Variants in CIMAP3 observed in about 807,000 individuals in gnomAD.
CIMAP3 encodes the protein ciliary microtubule-associated protein 3.
chr1:111,347,611 G>C, the CIMAP3 span: 3 of 986,982 alleles, frequency 3.0e-6, no homozygotes, highest in Non-Finnish European at 4.4e-6. Context: ...ACTATGCGTT[G>C]TTTTTTCTTT....
the CIMAP3 span, among the ~76,000 whole-genome samples, chr1:111,327,327 T>G: frequency 4.6e-5 from 7 of 152,124 alleles, no homozygotes; most frequent in Non-Finnish European, 1.0e-4. Context: ...CTCCTTGTTG[T>G]GTCTGTGCCA....
the CIMAP3 span, among the ~76,000 whole-genome samples, chr1:111,327,517 T>C: frequency 6.6e-6 from 1 of 152,136 alleles, no homozygotes. Context: ...GGCTATGTAT[T>C]ACTGATTCAG....
the CIMAP3 span, chr1:111,347,043 T>G: frequency 6.2e-7 from 1 of 1,611,648 alleles, no homozygotes; most frequent in Non-Finnish European, 8.5e-7. Context: ...GGTGTTATTT[T>G]TCAGATGTGA....
chr1:111,331,606 T>G, the CIMAP3 span, among the ~76,000 whole-genome samples: 1 of 152,162 alleles, frequency 6.6e-6, no homozygotes, highest in Non-Finnish European at 1.5e-5. Flanking sequence ...TTTTCCTTAT[T>G]TCATTGAATT....
the CIMAP3 span, among the ~76,000 whole-genome samples, chr1:111,334,692 G>C: frequency 6.6e-6 from 1 of 152,146 alleles, no homozygotes; most frequent in South Asian, 2.1e-4. Flanking sequence ...TTTAAAAAGA[G>C]ATTTAAATGA....
chr1:111,327,766 G>A, the CIMAP3 span, among the ~76,000 whole-genome samples: 1 of 151,732 alleles, frequency 6.6e-6, no homozygotes. Context: ...TATTAGTCTA[G>A]CTAGTGGCCT....
the CIMAP3 span, chr1:111,350,342 T>C: frequency 1.3e-6 from 1 of 755,898 alleles, no homozygotes; most frequent in South Asian, 1.9e-5. Flanking sequence ...TCCCAAAAAA[T>C]TATATGCACA....
the CIMAP3 span, among the ~76,000 whole-genome samples, chr1:111,335,158 GA>G: frequency 4.3e-4 from 42 of 97,212 alleles, 1 homozygote; most frequent in Non-Finnish European, 2.1e-4. Flanking sequence ...AAAAAAGACA[GA>G]AAAAAAAAGA....
At chr1:111,335,126 T>TC in the CIMAP3 span, among the ~76,000 whole-genome samples, 1 of 26,642 alleles carries the variant, frequency 3.8e-5, no homozygotes, top group Non-Finnish European at 6.1e-5. Context: ...AGTCTCTGTC[T>TC]CAAAAAAAAA....
the CIMAP3 span, among the ~76,000 whole-genome samples, chr1:111,326,701 T>C: frequency 6.6e-6 from 1 of 152,130 alleles, no homozygotes; most frequent in Non-Finnish European, 1.5e-5. Flanking sequence ...AATTTCCATT[T>C]CTGCCAACAA....
the CIMAP3 span, chr1:111,346,187 T>C: frequency 1.9e-5 from 3 of 154,362 alleles, no homozygotes; most frequent in South Asian, 2.0e-4. Context: ...GGGCCTAATA[T>C]GGAACTAGCT....
the CIMAP3 span, among the ~76,000 whole-genome samples, chr1:111,330,419 C>T: frequency 1.3e-5 from 2 of 152,130 alleles, no homozygotes; most frequent in South Asian, 2.1e-4. Flanking sequence ...TTGAAGCTGA[C>T]TTCTTGCCTC....
chr1:111,348,570 C>A, the CIMAP3 span: 194,785 of 1,610,882 alleles, frequency 0.12, 12,613 homozygotes, highest in Non-Finnish European at 0.13. Context: ...GCAGGAAAAA[C>A]ACAAACAAAA....
chr1:111,346,965 C>G, the CIMAP3 span: 1 of 1,614,018 alleles, frequency 6.2e-7, no homozygotes, highest in Non-Finnish European at 8.5e-7. Flanking sequence ...TTTTTCCTCA[C>G]TTCCATCCCC....
At chr1:111,327,482 G>T in the CIMAP3 span, among the ~76,000 whole-genome samples, 1 of 151,942 alleles carries the variant, frequency 6.6e-6, no homozygotes, top group African/African-American at 2.4e-5. Flanking sequence ...AATCTATCAG[G>T]TCCCAGGCTT....
chr1:111,334,864 T>C, the CIMAP3 span, among the ~76,000 whole-genome samples: 1 of 152,128 alleles, frequency 6.6e-6, no homozygotes, highest in African/African-American at 2.4e-5. Flanking sequence ...AGGTGGCTCA[T>C]GCCTGTTAAT....
chr1:111,337,966 T>A, the CIMAP3 span, among the ~76,000 whole-genome samples: 1 of 149,404 alleles, frequency 6.7e-6, no homozygotes, highest in South Asian at 2.2e-4. Flanking sequence ...CCTCAGCAAA[T>A]GTAAAAGAAC....
the CIMAP3 span, among the ~76,000 whole-genome samples, chr1:111,336,063 A>C: frequency 4.6e-5 from 7 of 152,244 alleles, no homozygotes; most frequent in Non-Finnish European, 8.8e-5. Context: ...TGTTCTGCAA[A>C]CACCACTGCT....
the CIMAP3 span, among the ~76,000 whole-genome samples, chr1:111,344,891 T>C: frequency 6.6e-6 from 1 of 152,218 alleles, no homozygotes; most frequent in Non-Finnish European, 1.5e-5. Flanking sequence ...AGCAGCCCTA[T>C]ACAGGTGTAC....
Sources: gnomAD v4.1 joint callset for allele counts (sites outside exome capture counted in the v4.1 genomes callset) on GRCh38, gnomAD v4.1.1 for gene constraint, MANE v1.5 for transcripts, NCBI Gene and HGNC (gene_info 2026-07-23, HGNC 2026-07-21) for gene names.